Variants in SORCS2 observed in about 807,000 individuals in gnomAD.
SORCS2 encodes VPS10 domain-containing receptor SorCS2.
In SORCS2, 100 loss-of-function variants were observed where a neutral mutation model predicts 141.6. The observed-to-expected ratio is 0.71, with a 90% CI of 0.60 to 0.83. The LOEUF (loss-of-function observed/expected upper bound fraction) is 0.83, where lower values mean the gene tolerates loss of function less well. Ranked by LOEUF, SORCS2 falls within the 40% of genes least tolerant of loss-of-function variation. SORCS2 has a pLI of 0.00. For missense variants in SORCS2, 1,646 were observed against 1,560.2 expected (o/e 1.05, Z -0.93); for synonymous variants, 789 against 676.9 (o/e 1.17, Z -2.57).
At chr4:7,698,041 C>A (rs1417710431) in intron 12 of SORCS2, among the ~76,000 whole-genome samples, 1 of 151,928 alleles carries the variant, frequency 6.6e-6, no homozygotes, top group Non-Finnish European at 1.5e-5. Context: ...GTCGGTACCA[C>A]GTGTCCTGCG....
chr4:7,495,943 G>C (rs1731589214), intron 2 of SORCS2, among the ~76,000 whole-genome samples: 1 of 152,232 alleles, frequency 6.6e-6, no homozygotes, highest in South Asian at 2.1e-4. Flanking sequence ...GCCTGGCCTA[G>C]CAAGACTGTT....
intron 2 of SORCS2, among the ~76,000 whole-genome samples, chr4:7,472,398 C>T (rs1730031961): frequency 6.6e-6 from 1 of 152,146 alleles, no homozygotes; most frequent in South Asian, 2.1e-4. Flanking sequence ...CGGCATGTTC[C>T]CCGCCTCAGG....
At chr4:7,513,606 C>T (rs529987243) in intron 2 of SORCS2, among the ~76,000 whole-genome samples, 5 of 152,246 alleles carry the variant, frequency 3.3e-5, no homozygotes. Flanking sequence ...GGTTCCCTGG[C>T]CCTGAGGACT....
intron 1 of SORCS2, among the ~76,000 whole-genome samples, chr4:7,370,831 A>G (rs1168707854): frequency 6.6e-6 from 1 of 152,020 alleles, no homozygotes. Flanking sequence ...TGTGGCTTCC[A>G]TGCTTACCGG....
At chr4:7,332,538 A>T (rs868317659) in intron 1 of SORCS2, among the ~76,000 whole-genome samples, 1 of 151,974 alleles carries the variant, frequency 6.6e-6, no homozygotes, top group African/African-American at 2.4e-5. Context: ...CCTAGGCAAC[A>T]CTCTCCGGGC....
chr4:7,307,420 T>G (rs368259347), intron 1 of SORCS2, among the ~76,000 whole-genome samples: 183 of 152,332 alleles, frequency 1.2e-3, no homozygotes, highest in African/African-American at 4.4e-3. Context: ...CTGTGGTCCA[T>G]CCAGGCCAGG....
intron 1 of SORCS2, among the ~76,000 whole-genome samples, chr4:7,249,760 C>A (rs1383439626): frequency 1.3e-5 from 2 of 152,202 alleles, no homozygotes; most frequent in African/African-American, 2.4e-5. Flanking sequence ...GAACTCCCTT[C>A]CCCTCCTGCG....
At chr4:7,683,024 T>C in intron 10 of SORCS2, 135 bp downstream of exon 10, 1 of 1,171,178 alleles carries the variant, frequency 8.5e-7, no homozygotes, top group Non-Finnish European at 1.2e-6. Context: ...TTCTGCTGGG[T>C]GTGGTAGAGA....
intron 1 of SORCS2, among the ~76,000 whole-genome samples, chr4:7,376,612 A>T (rs749775606): frequency 1.3e-5 from 2 of 152,110 alleles, no homozygotes; most frequent in Non-Finnish European, 2.9e-5. Flanking sequence ...CCAATTCACT[A>T]ATACCCAGAG....
chr4:7,599,030 T>G (rs1164488760), intron 3 of SORCS2, among the ~76,000 whole-genome samples: 1 of 152,172 alleles, frequency 6.6e-6, no homozygotes, highest in Non-Finnish European at 1.5e-5. Context: ...CCGGGAGAAG[T>G]GGGCCGATGA....
At chr4:7,496,487 T>TCCCCC (rs1731638570) in intron 2 of SORCS2, among the ~76,000 whole-genome samples, 2 of 52,570 alleles carry the variant, frequency 3.8e-5, no homozygotes, top group Non-Finnish European at 7.3e-5. Context: ...CCATCCCCCA[T>TCCCCC]CTCAGGGCAG....
At chr4:7,542,544 C>T (rs776286056) in intron 3 of SORCS2, among the ~76,000 whole-genome samples, 2 of 152,062 alleles carry the variant, frequency 1.3e-5, no homozygotes, top group Non-Finnish European at 2.9e-5. Context: ...CCCACGACAC[C>T]AAAAACTAAA....
intron 1 of SORCS2, among the ~76,000 whole-genome samples, chr4:7,276,151 C>T (rs561209446): frequency 9.2e-5 from 14 of 152,292 alleles, no homozygotes; most frequent in African/African-American, 2.9e-4. Context: ...TCATAGCCTC[C>T]GTGGCTCCAT....
intron 3 of SORCS2, among the ~76,000 whole-genome samples, chr4:7,622,232 C>T (rs1331841540): frequency 2.0e-5 from 3 of 152,094 alleles, no homozygotes; most frequent in African/African-American, 7.2e-5. Flanking sequence ...AGGAGGGTGA[C>T]CCACTTCAAA....
intron 2 of SORCS2, among the ~76,000 whole-genome samples, chr4:7,423,574 C>A (rs1180935826): frequency 6.6e-6 from 1 of 152,188 alleles, no homozygotes; most frequent in Non-Finnish European, 1.5e-5. Flanking sequence ...ACCACCACAC[C>A]CAGCTGAGAC....
At chr4:7,313,084 G>C (rs1055839013) in intron 1 of SORCS2, among the ~76,000 whole-genome samples, 1 of 152,234 alleles carries the variant, frequency 6.6e-6, no homozygotes, top group African/African-American at 2.4e-5. Context: ...TGGATTCCCT[G>C]CTGTGCTCAT....
At chr4:7,237,795 C>A (rs1267205509) in intron 1 of SORCS2, among the ~76,000 whole-genome samples, 1 of 151,902 alleles carries the variant, frequency 6.6e-6, no homozygotes, top group Non-Finnish European at 1.5e-5. Flanking sequence ...GAACGATGGG[C>A]CCAAGGAGGG....
intron 3 of SORCS2, among the ~76,000 whole-genome samples, chr4:7,573,364 G>A (rs922291054): frequency 1.2e-4 from 19 of 152,134 alleles, no homozygotes; most frequent in African/African-American, 3.4e-4. Flanking sequence ...GCAAGACCTC[G>A]GTTACTGTGT....
chr4:7,688,851 G>C (rs1053908741), intron 10 of SORCS2, among the ~76,000 whole-genome samples: 1 of 152,224 alleles, frequency 6.6e-6, no homozygotes, highest in Non-Finnish European at 1.5e-5. Flanking sequence ...CAGGCTGCCA[G>C]AGAGAGATCA....
Sources: allele counts gnomAD v4.1 joint callset (sites outside exome capture counted in the v4.1 genomes callset), GRCh38; gene constraint gnomAD v4.1.1; transcripts MANE v1.5; gene names NCBI Gene and HGNC (gene_info 2026-07-23, HGNC 2026-07-21).